Variants in MALRD1 observed in about 807,000 individuals in gnomAD.
MALRD1 encodes MAM and LDL-receptor class A domain-containing protein 1.
A neutral mutation model predicts 242.1 loss-of-function variants in MALRD1; 247 were observed. The ratio of observed to expected loss-of-function variants is 1.02; its 90% CI spans 0.92 to 1.13. The LOEUF is 1.13. Among genes scored for constraint, MALRD1 ranks in the 50% most tolerant of loss-of-function variants. The pLI, the probability that MALRD1 is intolerant of heterozygous loss-of-function variation, is 0.00. For synonymous variants in MALRD1, 995 were observed against 866.6 expected (o/e 1.15, Z -2.60); for missense variants, 2,989 against 2,533.1 (o/e 1.18, Z -3.86).
At chr10:19,547,088 C>T (rs1274712378) in intron 32 of MALRD1, among the ~76,000 whole-genome samples, 2 of 152,082 alleles carry the variant, frequency 1.3e-5, no homozygotes, top group South Asian at 2.1e-4. Context: ...AGAAAAGCCT[C>T]TAAGTGTCGG....
intron 38 of MALRD1, among the ~76,000 whole-genome samples, chr10:19,719,234 A>G (rs1330387326): frequency 1.6e-5 from 2 of 126,590 alleles, no homozygotes; most frequent in African/African-American, 6.2e-5. Context: ...ATATATATAT[A>G]TATATATATA....
chr10:19,173,264 A>C (rs1414925594), intron 13 of MALRD1, among the ~76,000 whole-genome samples: 1 of 152,058 alleles, frequency 6.6e-6, no homozygotes, highest in Admixed American at 6.6e-5. Context: ...TTTTTACTCC[A>C]AAACACATGT....
In MALRD1 at chr10:19,338,937, GTA is replaced by G. The variant is rs961099981; in HGVS notation, c.3901+7360_3901+7361del. 5.4e-4 allele frequency among the ~76,000 whole-genome samples: 77 copies of G among 143,826 alleles called. 2 individuals are homozygous for G. 94.4% of individuals were successfully genotyped at this position (143,826 alleles called of 152,430 possible). Reference sequence around the variant, plus strand: ...AAAACTACATATATACTATATGCTAGTATATACATATACTAGTTATATACTAT... The same window carrying G: ...AAAACTACATATATACTATATGCTAGTATACATATACTAGTTATATACTAT... On this transcript the variant is annotated intron_variant, in intron 24 of 39. Coordinates refer to ENST00000454679, the MANE Select transcript of MALRD1 (RefSeq NM_001142308.3).
At chr10:19,244,778 T>C (rs1052411476) in intron 18 of MALRD1, among the ~76,000 whole-genome samples, 3 of 152,280 alleles carry the variant, frequency 2.0e-5, no homozygotes, top group South Asian at 4.1e-4. Context: ...TGAGGTTTGA[T>C]TATTGCAGAG....
At chr10:19,308,976 A>G (rs1272883873) in intron 21 of MALRD1, among the ~76,000 whole-genome samples, 1 of 151,652 alleles carries the variant, frequency 6.6e-6, no homozygotes, top group Non-Finnish European at 1.5e-5. Flanking sequence ...TTTTTTAAAA[A>G]TGAAGATATA....
At chr10:19,559,997 G>A (rs1449886713) in intron 32 of MALRD1, among the ~76,000 whole-genome samples, 1 of 152,170 alleles carries the variant, frequency 6.6e-6, no homozygotes, top group Admixed American at 6.5e-5. Flanking sequence ...AACAGATGCT[G>A]GAGAGGATTT....
chr10:19,672,047 T>C (rs1841946536), intron 36 of MALRD1, among the ~76,000 whole-genome samples: 1 of 152,152 alleles, frequency 6.6e-6, no homozygotes, highest in South Asian at 2.1e-4. Flanking sequence ...TATTACAACA[T>C]GAAATAGTTC....
chr10:19,425,994 T>G (rs1833892291), intron 28 of MALRD1, among the ~76,000 whole-genome samples: 1 of 152,138 alleles, frequency 6.6e-6, no homozygotes, highest in African/African-American at 2.4e-5. Context: ...CCCAAAACAT[T>G]TCACTGGAAA....
At chr10:19,246,616 A>T (rs1839059939) in intron 18 of MALRD1, among the ~76,000 whole-genome samples, 2 of 152,114 alleles carry the variant, frequency 1.3e-5, no homozygotes, top group Admixed American at 1.3e-4. Context: ...TACAAGAACA[A>T]AAAATAGAAC....
chr10:19,161,550 C>CAAAAAAAAAAAAA, intron 12 of MALRD1, among the ~76,000 whole-genome samples: 8 of 60,838 alleles, frequency 1.3e-4, no homozygotes, highest in East Asian at 5.4e-4. Flanking sequence ...AAAAAAAAAG[C>CAAAAAAAAAAAAA]AAAAAAAAAA....
intron 29 of MALRD1, among the ~76,000 whole-genome samples, chr10:19,462,247 T>C (rs1330747441): frequency 6.6e-6 from 1 of 152,228 alleles, no homozygotes; most frequent in African/African-American, 2.4e-5. Flanking sequence ...CTCCACCTAC[T>C]TCCTTTATGA....
At chr10:19,260,000 G>A (rs1839676446) in intron 19 of MALRD1, among the ~76,000 whole-genome samples, 1 of 152,166 alleles carries the variant, frequency 6.6e-6, no homozygotes, top group Non-Finnish European at 1.5e-5. Context: ...TCCTACAACA[G>A]TATTTGACAC....
chr10:19,572,737 G>A (rs1836622977), intron 33 of MALRD1, among the ~76,000 whole-genome samples: 1 of 152,148 alleles, frequency 6.6e-6, no homozygotes, highest in Non-Finnish European at 1.5e-5. Flanking sequence ...AATGTCCTTA[G>A]AAGAAGAAGA....
At position 19,176,532 on chromosome 10, in the gene MALRD1, G is replaced by C. The variant is rs559943118; in HGVS notation, c.1951+1204G>C. ...TGGGACTACAGGCGCCCGCCACCGC[G>C]CCCGGCTAATTTTTTGTATTTTTAG... is the stretch of plus-strand genomic sequence containing the variant. On this transcript the variant is annotated intron_variant, in intron 14 of 39. Transcript: ENST00000454679. Among the ~76,000 whole-genome samples, 4 of 148,968 alleles carry C rather than the reference G, an allele frequency of 2.7e-5. No individual in the cohort carries two copies. The South Asian group carries it at 8.6e-4, about 32-fold the overall frequency.
chr10:19,624,321 T>C (rs5016623), intron 36 of MALRD1, among the ~76,000 whole-genome samples: 8,603 of 152,182 alleles, frequency 0.057, 699 homozygotes, highest in African/African-American at 0.19. Flanking sequence ...CAAAGGAACA[T>C]AGAACAGTTA....
chr10:19,224,041 T>C (rs1324066012), intron 18 of MALRD1, among the ~76,000 whole-genome samples: 1 of 152,192 alleles, frequency 6.6e-6, no homozygotes, highest in Non-Finnish European at 1.5e-5. Flanking sequence ...TAGAATGATT[T>C]ATAATCCTTT....
chr10:19,447,615 A>T (rs1835073402), intron 28 of MALRD1, among the ~76,000 whole-genome samples: 1 of 152,170 alleles, frequency 6.6e-6, no homozygotes, highest in African/African-American at 2.4e-5. Context: ...GCCATACCTA[A>T]TGAGTGGCTT....
chr10:19,528,272 C>A (rs374502569), intron 31 of MALRD1, among the ~76,000 whole-genome samples: 29 of 152,274 alleles, frequency 1.9e-4, no homozygotes, highest in African/African-American at 6.7e-4. Flanking sequence ...TGCAATAATT[C>A]TCAGACAAAG....
At chr10:19,369,175 A>G (rs1845253053) in intron 26 of MALRD1, among the ~76,000 whole-genome samples, 1 of 88,994 alleles carries the variant, frequency 1.1e-5, no homozygotes. Context: ...TTATATATAA[A>G]CTAATATATT....
Sources: allele counts gnomAD v4.1 joint callset (sites outside exome capture counted in the v4.1 genomes callset), GRCh38; gene constraint gnomAD v4.1.1; transcripts MANE v1.5; gene names NCBI Gene and HGNC (gene_info 2026-07-23, HGNC 2026-07-21).